The following ZNF516 variants were observed in gnomAD, a reference collection of about 807,000 sequenced individuals.
ZNF516 encodes zinc finger protein 516.
In ZNF516, 19 loss-of-function variants were observed where a neutral mutation model predicts 79.7. The observed-to-expected ratio is 0.24, with a 90% CI of 0.17 to 0.35. The LOEUF (loss-of-function observed/expected upper bound fraction) is 0.35, where lower values mean the gene tolerates loss of function less well. Ranked by LOEUF, ZNF516 falls within the 10% of genes least tolerant of loss-of-function variation. The probability of loss-of-function intolerance (pLI) is 1.00; values close to 1 mark genes in which losing one functional copy is unlikely to be tolerated. For missense variants in ZNF516, 1,678 were observed against 1,679.5 expected (o/e 1.00, Z 0.02); for synonymous variants, 877 against 739.5 (o/e 1.19, Z -3.02).
chr18:76,396,481 T>C (rs2075148273), intron 3 of ZNF516, among the ~76,000 whole-genome samples: 2 of 152,200 alleles, frequency 1.3e-5, no homozygotes, highest in Non-Finnish European at 2.9e-5. Flanking sequence ...CTGTAGTAAC[T>C]TTTATAACAG....
chr18:76,489,502 C>CA (rs754547985), intron 1 of ZNF516, among the ~76,000 whole-genome samples: 1 of 146,640 alleles, frequency 6.8e-6, no homozygotes, highest in Non-Finnish European at 1.5e-5. Flanking sequence ...AAAGTGGAGA[C>CA]AAAGTGCTTT....
At chr18:76,492,875 G>A in intron 1 of ZNF516, 1 of 985,732 alleles carries the variant, frequency 1.0e-6, no homozygotes, top group Non-Finnish European at 1.2e-6. Context: ...GAATAAAAGC[G>A]TGTCCACGTC....
chr18:76,364,162 A>C (rs996610198), intron 6 of ZNF516, among the ~76,000 whole-genome samples: 1 of 152,248 alleles, frequency 6.6e-6, no homozygotes, highest in African/African-American at 2.4e-5. Context: ...GGGATAAGCC[A>C]AACAACTAGG....
At chr18:76,416,415 A>T (rs1034758103) in intron 3 of ZNF516, among the ~76,000 whole-genome samples, 5 of 152,248 alleles carry the variant, frequency 3.3e-5, no homozygotes, top group African/African-American at 1.2e-4. Context: ...CACCATGTCA[A>T]AGGTCATGAG....
chr18:76,404,626 T>G (rs912270050), intron 3 of ZNF516, among the ~76,000 whole-genome samples: 1 of 152,198 alleles, frequency 6.6e-6, no homozygotes, highest in Admixed American at 6.5e-5. Context: ...TAAGTATGAG[T>G]GCACCTGTGT....
chr18:76,481,152 G>C (rs56055824), intron 1 of ZNF516, among the ~76,000 whole-genome samples: 1,954 of 152,338 alleles, frequency 0.013, 60 homozygotes, highest in African/African-American at 0.044. Flanking sequence ...AGCCTGGTCA[G>C]AGGCAGGACG....
chr18:76,395,386 A>G (rs1052382297), intron 3 of ZNF516, among the ~76,000 whole-genome samples: 13 of 152,210 alleles, frequency 8.5e-5, no homozygotes, highest in African/African-American at 3.1e-4. Flanking sequence ...ACAAATATGC[A>G]TTTATGGGAT....
At chr18:76,436,922 T>G (rs2145496051) in intron 3 of ZNF516, among the ~76,000 whole-genome samples, 1 of 151,930 alleles carries the variant, frequency 6.6e-6, no homozygotes, top group East Asian at 1.9e-4. Context: ...ATACGAAAAT[T>G]AGCCACGTGT....
chr18:76,490,833 G>A, intron 1 of ZNF516: 1 of 985,498 alleles, frequency 1.0e-6, no homozygotes, highest in South Asian at 4.7e-5. Context: ...TCCGTCCTTT[G>A]TTACGCAGGG....
Position 76,358,829 on chromosome 18 carries a change from G to A in ZNF516, c.*3669C>T, listed in dbSNP as rs2074492308. 1 of 152,250 alleles carries A rather than the reference G, an allele frequency of 6.6e-6. No homozygotes were observed. 9.4% of individuals were successfully genotyped at this position (152,250 alleles called of 1,614,324 possible). ...GTCTCCAGCCACGAAAGCCCAGGAG[G>A]TGCCCTCTTCCACACAACAGACTAA... On this transcript the variant is annotated 3_prime_UTR_variant, in exon 7 of 7. Coordinates refer to ENST00000443185, the MANE Select transcript of ZNF516 (RefSeq NM_014643.4).
At chr18:76,388,863 A>G (rs2075028882) in intron 3 of ZNF516, 4 of 152,224 alleles carry the variant, frequency 2.6e-5, no homozygotes, top group Non-Finnish European at 5.9e-5. Flanking sequence ...AAGGCCCACG[A>G]CGGGGCTGGC....
In ZNF516 at chr18:76,379,504, A is replaced by G. The variant is rs748513334; in HGVS notation, c.2610T>C (p.His870=). The G allele has an allele frequency of 6.2e-7, 1 of 1,613,618 alleles. No individual in the cohort carries two copies. The highest frequency in any genetic ancestry group is 1.3e-5 in the African/African-American group (1 of 74,938). Residue 870 remains histidine, a synonymous_variant, in exon 4 of 7, where the codon CAT becomes CAC. Transcript: ENST00000443185. ...CCCACAGAGCGCAGGGACCTCCGGA[A>G]TGGCTCTCCTTATTCTTAGGCATGC... ...AASMPKNKES[H]SGGPCALWAP...
chr18:76,373,832 A>T lies in ZNF516; in HGVS notation c.3260-2261T>A, dbSNP rs187721048. Among the ~76,000 whole-genome samples the T allele has an allele frequency of 8.7e-4, 133 of 152,396 alleles. 1 individual carries two copies. Among genetic ancestry groups the T allele is most frequent in the African/African-American group, 3.0e-3 (125 of 41,600 alleles). On this transcript the variant is annotated intron_variant, in intron 4 of 6. Coordinates refer to ENST00000443185, the MANE Select transcript of ZNF516 (RefSeq NM_014643.4). Reference sequence around the variant, plus strand: ...TTTTAAAGACAGGGCACTTGCCCTTATGGCCAATAATATTATGCCCAAGCT... The same window carrying T: ...TTTTAAAGACAGGGCACTTGCCCTTTTGGCCAATAATATTATGCCCAAGCT...
intron 1 of ZNF516, among the ~76,000 whole-genome samples, chr18:76,489,908 T>G (rs1213024790): frequency 6.6e-6 from 1 of 152,206 alleles, no homozygotes; most frequent in Non-Finnish European, 1.5e-5. Flanking sequence ...TATTTTGGTG[T>G]TGTGTTTCAT....
At chr18:76,434,043 G>A (rs763800124) in intron 3 of ZNF516, among the ~76,000 whole-genome samples, 43 of 152,168 alleles carry the variant, frequency 2.8e-4, no homozygotes, top group Non-Finnish European at 4.0e-4. Context: ...TGCTCTGGCC[G>A]TTGCTGTCCG....
At chr18:76,456,965 G>A (rs1912767933) in intron 2 of ZNF516, among the ~76,000 whole-genome samples, 1 of 152,164 alleles carries the variant, frequency 6.6e-6, no homozygotes, top group African/African-American at 2.4e-5. Flanking sequence ...TCACGCACAG[G>A]TACCACCTGT....
intron 3 of ZNF516, among the ~76,000 whole-genome samples, chr18:76,400,369 G>A (rs893349126): frequency 2.0e-5 from 3 of 152,150 alleles, no homozygotes; most frequent in African/African-American, 7.2e-5. Context: ...CTGGTAAGAC[G>A]GACTGAATAA....
Position 76,387,119 on chromosome 18 carries a change from G to A in ZNF516, c.1811-6816C>T, listed in dbSNP as rs1014419876. 2.0e-5 allele frequency: 3 copies of A among 152,234 alleles called. No individual in the cohort carries two copies. In the East Asian group the frequency reaches 5.8e-4, roughly 29 times the overall value. The allele number at this position is 152,234 out of a possible 1,614,324, so 9.4% of individuals were successfully genotyped here. On this transcript the variant is annotated intron_variant, in intron 3 of 6. Coordinates refer to ENST00000443185, the MANE Select transcript of ZNF516 (RefSeq NM_014643.4). ...GTCATCCATGTGGACTCTGCTCCTG[G>A]GACACAGCCACCGTGGGACGAGCCT...
chr18:76,423,076 C>A (rs1363494062), intron 3 of ZNF516, among the ~76,000 whole-genome samples: 1 of 152,168 alleles, frequency 6.6e-6, no homozygotes, highest in Non-Finnish European at 1.5e-5. Context: ...CACTCGGAGA[C>A]CCCAGGATTC....
Sources: gnomAD v4.1 joint callset for allele counts (sites outside exome capture counted in the v4.1 genomes callset) on GRCh38, gnomAD v4.1.1 for gene constraint, MANE v1.5 for transcripts, NCBI Gene and HGNC (gene_info 2026-07-23, HGNC 2026-07-21) for gene names.